The following CNTN4 variants were observed in gnomAD, a reference collection of about 807,000 sequenced individuals.
The protein encoded by CNTN4 is contactin 4, also known as contactin-4.
CNTN4 carries 77 observed loss-of-function variants against 122.5 expected under a neutral mutation model. The observed-to-expected ratio is 0.63, with a 90% CI of 0.52 to 0.76. The LOEUF (loss-of-function observed/expected upper bound fraction) is 0.76. Ranked by LOEUF, CNTN4 falls within the 30% of genes least tolerant of loss-of-function variation. CNTN4 has a pLI of 0.00. For synonymous variants in CNTN4, 512 were observed against 447.0 expected (o/e 1.15, Z -1.83); for missense variants, 1,256 against 1,259.1 (o/e 1.00, Z 0.04).
At chr3:2,223,951 C>A (rs1370165232) in intron 2 of CNTN4, among the ~76,000 whole-genome samples, 4 of 151,938 alleles carry the variant, frequency 2.6e-5, no homozygotes, top group African/African-American at 9.7e-5. Flanking sequence ...GAATTTGGGG[C>A]TTCTTGGGGG....
intron 2 of CNTN4, among the ~76,000 whole-genome samples, chr3:2,185,004 G>A (rs914204303): frequency 6.6e-6 from 1 of 152,136 alleles, no homozygotes; most frequent in Non-Finnish European, 1.5e-5. Flanking sequence ...TCACAGGGTT[G>A]TTTACCTGCA....
chr3:2,925,443 C>T (rs2094464836), intron 12 of CNTN4, among the ~76,000 whole-genome samples, 186 bp from the exon 13 acceptor site: 1 of 152,052 alleles, frequency 6.6e-6, no homozygotes, highest in Admixed American at 6.5e-5. Flanking sequence ...GTCCCAGCTA[C>T]TAGGGAGGCT....
chr3:2,988,920 A>G (rs1694822732), intron 14 of CNTN4: 1 of 212,158 alleles, frequency 4.7e-6, no homozygotes, highest in East Asian at 1.2e-4. Flanking sequence ...AGATATGGAT[A>G]TGGCTTATTA....
At chr3:2,370,995 A>G (rs1273962618) in intron 3 of CNTN4, among the ~76,000 whole-genome samples, 42 of 152,198 alleles carry the variant, frequency 2.8e-4, no homozygotes, top group Non-Finnish European at 2.9e-5. Flanking sequence ...TGGCAATTTC[A>G]TAATTTCAGG....
At chr3:2,765,188 C>T (rs2090791853) in intron 6 of CNTN4, among the ~76,000 whole-genome samples, 1 of 152,160 alleles carries the variant, frequency 6.6e-6, no homozygotes. Flanking sequence ...TGTTCTTTTG[C>T]CAGTAAGTGG....
rs550787649 is a variant in CNTN4 at position 2,620,664 on chromosome 3, C to A, written c.55+49106C>A. On this transcript the variant is annotated intron_variant, in intron 4 of 24. Transcript: ENST00000418658. The stretch of plus-strand genomic sequence containing the variant: ...AGTTTAATGCTTTCTAATTGCTTGG[C>A]TTTCAGTGAAGAATCTCTTTACACA... 2.6e-5 allele frequency among the ~76,000 whole-genome samples: 4 copies of A among 152,280 alleles called. No individual in the cohort carries two copies. In the South Asian group the frequency reaches 8.3e-4, roughly 32 times the overall value.
intron 3 of CNTN4, among the ~76,000 whole-genome samples, chr3:2,361,154 C>T (rs1213819235): frequency 6.6e-6 from 1 of 152,164 alleles, no homozygotes; most frequent in African/African-American, 2.4e-5. Flanking sequence ...AGAGATTCTT[C>T]TTTAATCTTA....
At chr3:2,622,846 CT>C (rs1332239324) in intron 4 of CNTN4, among the ~76,000 whole-genome samples, 3 of 152,186 alleles carry the variant, frequency 2.0e-5, no homozygotes, top group Non-Finnish European at 4.4e-5. Flanking sequence ...AGATCTGAGA[CT>C]GGTGCACTCT....
chr3:3,032,509 A>G (rs1699256108), intron 16 of CNTN4, among the ~76,000 whole-genome samples: 2 of 152,226 alleles, frequency 1.3e-5, no homozygotes, highest in African/African-American at 4.8e-5. Context: ...TAAAACCATA[A>G]TCTTTCATTT....
At chr3:2,664,541 G>C (rs1559361972) in intron 4 of CNTN4, among the ~76,000 whole-genome samples, 1 of 152,032 alleles carries the variant, frequency 6.6e-6, no homozygotes, top group Non-Finnish European at 1.5e-5. Flanking sequence ...AATACACTTA[G>C]CTATAAACAT....
chr3:2,458,917 G>C lies in CNTN4; in HGVS notation c.-88-112499G>C, dbSNP rs534032475. Among the ~76,000 whole-genome samples, 21 of 152,186 alleles carry C rather than the reference G, an allele frequency of 1.4e-4. No homozygotes were observed. The South Asian group carries it at 1.4e-3, about 11-fold the overall frequency. On this transcript the variant is annotated intron_variant, in intron 3 of 24. Transcript: ENST00000418658. ...TGACTTATGCAATATTGGATCTTTC[G>C]TCTGTACATTAGACTGTACAATTCT...
intron 3 of CNTN4, among the ~76,000 whole-genome samples, chr3:2,519,076 A>G (rs2149128311): frequency 6.6e-6 from 1 of 152,282 alleles, no homozygotes; most frequent in South Asian, 2.1e-4. Flanking sequence ...TCTAGTGATA[A>G]GAATGTTTCT....
chr3:2,870,678 C>G (rs1285303844), intron 8 of CNTN4, among the ~76,000 whole-genome samples: 1 of 152,166 alleles, frequency 6.6e-6, no homozygotes, highest in Admixed American at 6.5e-5. Context: ...CATCCTCTGT[C>G]TGCCTCAGAA....
At chr3:2,932,800 CTTTATTTATTTATTTATTTA>C (rs71058655) in intron 13 of CNTN4, among the ~76,000 whole-genome samples, 2 of 148,950 alleles carry the variant, frequency 1.3e-5, no homozygotes, top group South Asian at 2.1e-4. Flanking sequence ...TGCTTACAGT[CTTTATTTATTTATTTATTTA>C]TTTATTTATT....
At chr3:2,296,207 C>T (rs1031836222) in intron 2 of CNTN4, among the ~76,000 whole-genome samples, 9 of 152,084 alleles carry the variant, frequency 5.9e-5, no homozygotes, top group African/African-American at 2.2e-4. Context: ...TTTTCCAGTT[C>T]TGTGAAGAAA....
intron 2 of CNTN4, among the ~76,000 whole-genome samples, chr3:2,194,960 C>T (rs1224708197): frequency 1.3e-5 from 2 of 151,860 alleles, no homozygotes; most frequent in Non-Finnish European, 2.9e-5. Context: ...GTCCTGGAAA[C>T]TATATATATA....
intron 2 of CNTN4, among the ~76,000 whole-genome samples, chr3:2,128,291 A>G (rs1020715622): frequency 6.6e-6 from 1 of 152,232 alleles, no homozygotes; most frequent in Non-Finnish European, 1.5e-5. Flanking sequence ...AAAAGAAAAC[A>G]CATATTTCCA....
intron 2 of CNTN4, among the ~76,000 whole-genome samples, chr3:2,257,912 A>T (rs2040666507): frequency 6.6e-6 from 1 of 152,054 alleles, no homozygotes; most frequent in South Asian, 2.1e-4. Flanking sequence ...AAAATACAAA[A>T]ATTAGCCAGG....
At position 3,037,170 on chromosome 3, in the gene CNTN4, G is replaced by A. The variant is rs1270377066; in HGVS notation, c.1943-9G>A. The A allele has an allele frequency of 1.2e-6, 2 of 1,613,976 alleles. No individual in the cohort carries two copies. Among genetic ancestry groups the A allele is most frequent in the Non-Finnish European group, 1.7e-6 (2 of 1,179,986 alleles). On this transcript the variant is annotated splice_polypyrimidine_tract_variant and intron_variant, in intron 17 of 24. Coordinates refer to ENST00000418658, the MANE Select transcript of CNTN4 (RefSeq NM_175607.3). ...TATGAAACAGCCCCCACCTTTTGTTGTCTTTCAGTCCCAGAACTCATTGAT... is the reference window on the plus strand; with the variant it reads ...TATGAAACAGCCCCCACCTTTTGTTATCTTTCAGTCCCAGAACTCATTGAT...
Sources: allele counts gnomAD v4.1 joint callset (sites outside exome capture counted in the v4.1 genomes callset), GRCh38; gene constraint gnomAD v4.1.1; transcripts MANE v1.5; gene names NCBI Gene and HGNC (gene_info 2026-07-23, HGNC 2026-07-21).